Variants in NAT10 observed in about 807,000 individuals in gnomAD.
The protein encoded by NAT10 is N-acetyltransferase 10.
Under a neutral mutation model 132.2 loss-of-function variants are expected in NAT10, and 109 were observed. The observed-to-expected ratio is 0.82, with a 90% CI of 0.71 to 0.97. The LOEUF (loss-of-function observed/expected upper bound fraction) is 0.97. Among genes scored for constraint, NAT10 ranks in the 50% least tolerant of loss-of-function variants. The probability of loss-of-function intolerance (pLI) is 0.00; values close to 1 mark genes in which losing one functional copy is unlikely to be tolerated. For synonymous variants in NAT10, 479 were observed against 478.0 expected (o/e 1.00, Z -0.03); for missense variants, 1,184 against 1,263.4 (o/e 0.94, Z 0.95).
At chr11:34,139,033 G>A in intron 21 of NAT10, 158 bp from the exon 22 acceptor site, 1 of 619,186 alleles carries the variant, frequency 1.6e-6, no homozygotes, top group Non-Finnish European at 2.9e-6. Context: ...AGGTGAAGGC[G>A]AGGGCTGTTT....
rs760121163 is a variant in NAT10, at chr11:34,118,163, G to T, written c.558-17G>T. On this transcript the variant is annotated splice_polypyrimidine_tract_variant and intron_variant, in intron 6 of 28. Transcript: ENST00000257829. ...ATGCCCTCCCCAACACTTCATTGCA[G>T]CGGTTTTGTATCTCAGGTTTATTCT... 1 of 1,593,156 alleles carries T rather than the reference G, an allele frequency of 6.3e-7. No homozygotes were observed. Among genetic ancestry groups the T allele is most frequent in the Non-Finnish European group, 8.6e-7 (1 of 1,161,096 alleles).
intron 9 of NAT10, among the ~76,000 whole-genome samples, chr11:34,123,089 T>C (rs1377630800): frequency 6.6e-6 from 1 of 152,266 alleles, no homozygotes; most frequent in Non-Finnish European, 1.5e-5. Context: ...TTCTTCCAAC[T>C]TCTCGGCCAT....
intron 5 of NAT10, among the ~76,000 whole-genome samples, chr11:34,115,059 G>A (rs910833987): frequency 6.6e-6 from 1 of 152,194 alleles, no homozygotes; most frequent in Non-Finnish European, 1.5e-5. Context: ...GGGAGGCTGA[G>A]GCAGGAGAAT....
At chr11:34,110,143 C>T (rs556518277) in intron 3 of NAT10, among the ~76,000 whole-genome samples, 27 of 152,206 alleles carry the variant, frequency 1.8e-4, no homozygotes, top group Middle Eastern at 3.4e-3. Flanking sequence ...GACCACCTTC[C>T]GGAGCTCTTC....
At chr11:34,113,636 CAAAAA>C (rs34445882) in intron 4 of NAT10, 75 bp from the exon 5 acceptor site, 4,787 of 900,390 alleles carry the variant, frequency 5.3e-3, no homozygotes, top group South Asian at 8.7e-3. Context: ...GACTCCATCT[CAAAAA>C]AAAAAAAAAA....
At position 34,136,768 on chromosome 11, in the gene NAT10, C is replaced by T; in HGVS notation, c.2155C>T (p.Leu719Phe). The change falls in exon 20 of 29, where the codon CTC becomes TTC. Residue 719 changes from leucine to phenylalanine, a missense_variant. Physicochemically the swap from Leu to Phe is conservative, Grantham distance 22. Transcript: ENST00000257829. ...TGTTTCCTATGGCTTGACCCCCAGG[C>T]TCCTCAAGTAAGTGCCTGCCCTCCT... is the stretch of plus-strand genomic sequence containing the variant. ...LGVSYGLTPR[L>F]LKFWKRAGFV... 1 of 1,614,194 alleles carries T rather than the reference C, an allele frequency of 6.2e-7. No homozygotes were observed. Among genetic ancestry groups the T allele is most frequent in the Non-Finnish European group, 8.5e-7 (1 of 1,180,038 alleles).
rs1852447697 is a variant in NAT10, at chr11:34,146,667, T to C, written c.*475T>C. 6.5e-6 allele frequency: 1 copy of C among 154,660 alleles called. No individual in the cohort carries two copies. Among genetic ancestry groups the C allele is most frequent in the African/African-American group, 2.4e-5 (1 of 41,448 alleles). 9.6% of individuals were successfully genotyped at this position (154,660 alleles called of 1,614,324 possible). On this transcript the variant is annotated 3_prime_UTR_variant, in exon 29 of 29. Transcript: ENST00000257829. ...GAACTCCAGTCCGTCCCGGCATCCA[T>C]GGCAGCCCGCGGTTAGGTGCGCCAG...
intron 8 of NAT10, among the ~76,000 whole-genome samples, chr11:34,121,589 T>G (rs1851894444): frequency 6.6e-6 from 1 of 151,830 alleles, no homozygotes; most frequent in South Asian, 2.1e-4. Flanking sequence ...CAGCCAGGTG[T>G]GGTGGCTCAC....
intron 8 of NAT10, 140 bp from the exon 9 acceptor site, chr11:34,122,319 G>A (rs578088444): frequency 9.7e-7 from 1 of 1,035,686 alleles, no homozygotes; most frequent in South Asian, 1.5e-5. Flanking sequence ...TCCAGGTGCT[G>A]AGCAGTGCTT....
intron 11 of NAT10, among the ~76,000 whole-genome samples, chr11:34,125,963 A>G (rs1352348927): frequency 1.3e-5 from 2 of 152,212 alleles, no homozygotes; most frequent in African/African-American, 4.8e-5. Flanking sequence ...CCTGGGCGAC[A>G]GAGTGAGGCT....
intron 12 of NAT10, among the ~76,000 whole-genome samples, chr11:34,130,376 C>T (rs941101635): frequency 6.6e-6 from 1 of 152,232 alleles, no homozygotes; most frequent in Admixed American, 6.5e-5. Context: ...CACCGTACTT[C>T]TAAAAGCAGC....
At position 34,133,006 on chromosome 11, in the gene NAT10, C is replaced by G; in HGVS notation, c.1618-20C>G. 6.3e-7 allele frequency: 1 copy of G among 1,592,630 alleles called. No homozygotes were observed. The highest frequency in any genetic ancestry group is 1.1e-5 in the South Asian group (1 of 90,650). On this transcript the variant is annotated intron_variant, in intron 15 of 28. Transcript: ENST00000257829. ...CAAGAGGAAGAGTGCTTCTCACTGA[C>G]CCGTGTTTGGCTTCCACAGAACTCT...
At chr11:34,144,635 C>G (rs540092654) in intron 28 of NAT10, among the ~76,000 whole-genome samples, 2 of 152,322 alleles carry the variant, frequency 1.3e-5, no homozygotes, top group Non-Finnish European at 2.9e-5. Flanking sequence ...GGGACCCCAG[C>G]AGTCCCTAGA....
intron 3 of NAT10, 126 bp downstream of exon 3, chr11:34,108,959 T>C: frequency 1.4e-6 from 1 of 722,314 alleles, no homozygotes; most frequent in Non-Finnish European, 2.2e-6. Flanking sequence ...TGAGGACAAA[T>C]GGAGCTGATA....
intron 28 of NAT10, among the ~76,000 whole-genome samples, chr11:34,144,452 G>A (rs1323597619): frequency 1.3e-5 from 2 of 152,158 alleles, no homozygotes; most frequent in Non-Finnish European, 2.9e-5. Context: ...TGGCTTAACA[G>A]AAGGCAGCCG....
chr11:34,139,911 CAA>C (rs1291035050), intron 23 of NAT10, among the ~76,000 whole-genome samples: 1 of 152,006 alleles, frequency 6.6e-6, no homozygotes, highest in East Asian at 1.9e-4. Context: ...ACTTAAAAAA[CAA>C]AAAATGTGTA....
intron 21 of NAT10, among the ~76,000 whole-genome samples, chr11:34,137,634 G>C (rs140496791): frequency 1.3e-5 from 2 of 152,330 alleles, no homozygotes; most frequent in African/African-American, 4.8e-5. Context: ...CTCGCACTTA[G>C]AGTAGCAATT....
chr11:34,108,771 A>G lies in NAT10; in HGVS notation c.138A>G (p.Lys46=), dbSNP rs1395313001. The change falls in exon 3 of 29, where the codon AAA becomes AAG. Residue 46 remains lysine, a synonymous_variant. Transcript: ENST00000257829. ...TAATACTTCATCACATGTTATCCAA[A>G]GCAACTGTGAAGGCTCGGCCTTCAG... The part of the protein sequence containing the change: ...QVVILHHMLS[K]ATVKARPSVL... 3 of 1,613,662 alleles carry G rather than the reference A, an allele frequency of 1.9e-6. No individual in the cohort carries two copies. Among genetic ancestry groups the G allele is most frequent in the African/African-American group, 2.7e-5 (2 of 74,882 alleles).
At chr11:34,126,136 A>G (rs1283593719) in intron 11 of NAT10, among the ~76,000 whole-genome samples, 1 of 152,222 alleles carries the variant, frequency 6.6e-6, no homozygotes, top group Non-Finnish European at 1.5e-5. Flanking sequence ...AGGTTTAAGT[A>G]TTGTTGACAT....
Sources: allele counts gnomAD v4.1 joint callset (sites outside exome capture counted in the v4.1 genomes callset), GRCh38; gene constraint gnomAD v4.1.1; transcripts MANE v1.5; gene names NCBI Gene and HGNC (gene_info 2026-07-23, HGNC 2026-07-21).